The following ATP10B variants were observed in gnomAD, a reference collection of about 807,000 sequenced individuals.
ATP10B encodes ATPase phospholipid transporting 10B (putative).
A neutral mutation model predicts 141.2 loss-of-function variants in ATP10B; 122 were observed. The observed-to-expected ratio is 0.86, with a 90% CI of 0.75 to 1.00. The LOEUF is 1.00. ATP10B is among the 50% of genes least tolerant of loss of function. The probability of loss-of-function intolerance (pLI) is 0.00; values close to 1 mark genes in which losing one functional copy is unlikely to be tolerated. For missense variants in ATP10B, 1,876 were observed against 1,825.3 expected (o/e 1.03, Z -0.51); for synonymous variants, 685 against 692.0 (o/e 0.99, Z 0.16).
intron 1 of ATP10B, among the ~76,000 whole-genome samples, chr5:160,792,552 C>T (rs66696922): frequency 0.12 from 18,225 of 152,036 alleles, 1,134 homozygotes; most frequent in African/African-American, 0.13. Context: ...CTTTCCCCCA[C>T]TTCTTTTCTC....
intron 6 of ATP10B, chr5:160,684,952 C>T (rs962884781): frequency 2.6e-5 from 18 of 703,222 alleles, no homozygotes; most frequent in Non-Finnish European, 3.9e-5. Flanking sequence ...TGGTATCATG[C>T]TCACCTCAGG....
chr5:160,820,223 T>C (rs1286403415), intron 1 of ATP10B, among the ~76,000 whole-genome samples: 1 of 151,678 alleles, frequency 6.6e-6, no homozygotes, highest in African/African-American at 2.4e-5. Context: ...AAATTCAAAG[T>C]ATCATTAGCA....
chr5:160,838,015 G>C (rs1455206379), intron 1 of ATP10B, among the ~76,000 whole-genome samples: 1 of 152,094 alleles, frequency 6.6e-6, no homozygotes, highest in Non-Finnish European at 1.5e-5. Flanking sequence ...ATAAACTTTT[G>C]CCAGAATTAA....
At chr5:160,842,808 C>CA (rs1775886683) in intron 1 of ATP10B, among the ~76,000 whole-genome samples, 1 of 150,186 alleles carries the variant, frequency 6.7e-6, no homozygotes. Context: ...TAAAACATTC[C>CA]CACACACACA....
chr5:160,608,889 C>T (rs1400215572), intron 18 of ATP10B, among the ~76,000 whole-genome samples: 2 of 152,172 alleles, frequency 1.3e-5, no homozygotes, highest in African/African-American at 2.4e-5. Context: ...GTTGCCTGTT[C>T]ACTCTGATGG....
the ATP10B span, among the ~76,000 whole-genome samples, chr5:160,884,593 G>A: frequency 6.6e-6 from 1 of 152,032 alleles, no homozygotes; most frequent in African/African-American, 2.4e-5. Flanking sequence ...ACAGCTCAGA[G>A]TTTTAGGCAG....
chr5:160,913,215 T>C, the ATP10B span, among the ~76,000 whole-genome samples: 1 of 152,258 alleles, frequency 6.6e-6, no homozygotes, highest in African/African-American at 2.4e-5. Flanking sequence ...AGCTCTGTGC[T>C]TTCTGCAGCC....
At chr5:160,918,806 G>A in the ATP10B span, among the ~76,000 whole-genome samples, 1 of 152,160 alleles carries the variant, frequency 6.6e-6, no homozygotes, top group African/African-American at 2.4e-5. Flanking sequence ...GGTAAAGGGA[G>A]AGAAGCATAA....
At chr5:160,855,159 T>C (rs1201079966), upstream of ATP10B, among the ~76,000 whole-genome samples, 1 of 152,144 alleles carries the variant, frequency 6.6e-6, no homozygotes, top group Non-Finnish European at 1.5e-5. Context: ...GCTTGTTTAG[T>C]ATTTTAATCC....
chr5:160,652,909 AC>A (rs1387250213), intron 7 of ATP10B, among the ~76,000 whole-genome samples: 2 of 68,240 alleles, frequency 2.9e-5, no homozygotes, highest in African/African-American at 8.2e-5. Flanking sequence ...TATTATATAT[AC>A]ATGTATATAT....
intron 6 of ATP10B, among the ~76,000 whole-genome samples, chr5:160,678,321 G>C (rs1763162610): frequency 6.6e-6 from 1 of 152,098 alleles, no homozygotes; most frequent in South Asian, 2.1e-4. Flanking sequence ...CCTCAGGCTG[G>C]GGTTGGCATT....
chr5:160,605,455 G>A (rs1469994122), intron 19 of ATP10B, among the ~76,000 whole-genome samples: 1 of 152,176 alleles, frequency 6.6e-6, no homozygotes, highest in Non-Finnish European at 1.5e-5. Flanking sequence ...TCGCCACACT[G>A]GTTTTGTTTC....
intron 12 of ATP10B, 21 bp from the exon 13 acceptor site, chr5:160,632,388 T>A (rs1319544705): frequency 1.2e-6 from 2 of 1,608,388 alleles, no homozygotes; most frequent in African/African-American, 2.7e-5. Context: ...GGAGTCCTGT[T>A]ATTGCACTAG....
intron 24 of ATP10B, among the ~76,000 whole-genome samples, chr5:160,587,512 C>A (rs1466148577): frequency 6.6e-6 from 1 of 152,152 alleles, no homozygotes; most frequent in Admixed American, 6.6e-5. Flanking sequence ...CTATAAATTA[C>A]TTTGGGCAGT....
chr5:160,879,474 C>A, the ATP10B span, among the ~76,000 whole-genome samples: 11 of 137,188 alleles, frequency 8.0e-5, no homozygotes, highest in African/African-American at 3.0e-4. Context: ...CAGCATGGCA[C>A]ATGTATACGT....
chr5:160,887,348 G>T, the ATP10B span, among the ~76,000 whole-genome samples: 2 of 152,012 alleles, frequency 1.3e-5, no homozygotes, highest in African/African-American at 4.8e-5. Flanking sequence ...TTATTGTTTA[G>T]GGAATAACTA....
chr5:160,768,387 C>T (rs761132161), intron 2 of ATP10B, among the ~76,000 whole-genome samples: 2 of 152,040 alleles, frequency 1.3e-5, no homozygotes, highest in Non-Finnish European at 2.9e-5. Flanking sequence ...TAGGCCTGTC[C>T]AAAATCCATG....
rs766168726 is a variant in ATP10B, at chr5:160,636,265, C to T, written c.1045G>A (p.Asp349Asn). The change falls in exon 11 of 26, where the codon GAT (aspartate) becomes AAT (asparagine). Residue 349 changes from aspartate to asparagine, a missense_variant. Physicochemically the swap from Asp to Asn is conservative, Grantham distance 23. Coordinates refer to ENST00000327245, the MANE Select transcript of ATP10B (RefSeq NM_025153.3). Reference sequence around the variant, plus strand: ...AAGCTGCCATTGGCATCTGGCACATCGAAGGGAGGGTGTTCTTCAAAGGTC... The same window carrying T: ...AAGCTGCCATTGGCATCTGGCACATTGAAGGGAGGGTGTTCTTCAAAGGTC... ...NGTFEEHPPF[D>N]VPDANGSFLP... The T allele has an allele frequency of 1.7e-5, 28 of 1,613,484 alleles. No individual in the cohort carries two copies. The highest frequency in any genetic ancestry group is 1.6e-4 in the Middle Eastern group (1 of 6,080).
chr5:160,651,220 G>A (rs1760710267), intron 7 of ATP10B, among the ~76,000 whole-genome samples: 1 of 152,064 alleles, frequency 6.6e-6, no homozygotes, highest in Non-Finnish European at 1.5e-5. Context: ...AATCTCATGG[G>A]CTGGGATTTT....
Sources: gnomAD v4.1 joint callset for allele counts (sites outside exome capture counted in the v4.1 genomes callset) on GRCh38, gnomAD v4.1.1 for gene constraint, MANE v1.5 for transcripts, NCBI Gene and HGNC (gene_info 2026-07-23, HGNC 2026-07-21) for gene names.